DPP10: variants seen among roughly 807,000 people sequenced by gnomAD.
DPP10 encodes dipeptidyl peptidase like 10.
In DPP10, 33 loss-of-function variants were observed where a neutral mutation model predicts 120.9. The observed-to-expected ratio is 0.27, with a 90% confidence interval of 0.21 to 0.37. DPP10 has a LOEUF of 0.37. Ranked by LOEUF, DPP10 falls within the 10% of genes least tolerant of loss-of-function variation. The pLI is 1.00. For synonymous variants in DPP10, 337 were observed against 326.1 expected (o/e 1.03, Z -0.36); for missense variants, 816 against 942.8 (o/e 0.87, Z 1.76).
chr2:115,410,886 T>G (rs1205576057), intron 3 of DPP10, among the ~76,000 whole-genome samples: 1 of 152,216 alleles, frequency 6.6e-6, no homozygotes, highest in Non-Finnish European at 1.5e-5. Flanking sequence ...ATATCACTTG[T>G]ATTGATATTT....
intron 5 of DPP10, among the ~76,000 whole-genome samples, chr2:115,663,373 T>A (rs977377067): frequency 6.6e-6 from 1 of 152,218 alleles, no homozygotes; most frequent in African/African-American, 2.4e-5. Flanking sequence ...GCCTAATGCA[T>A]ATGCATTCCA....
At chr2:115,119,491 C>T (rs1448077081) in intron 1 of DPP10, among the ~76,000 whole-genome samples, 2 of 152,152 alleles carry the variant, frequency 1.3e-5, no homozygotes, top group East Asian at 3.9e-4. Flanking sequence ...CTCGAGTATG[C>T]CTACCTAGGT....
rs1682101044 is a variant in DPP10, at chr2:114,779,683, T to C, written c.60+336845T>C. 2.0e-5 allele frequency among the ~76,000 whole-genome samples: 3 copies of C among 152,152 alleles called. No homozygotes were observed. In the South Asian group the frequency reaches 6.2e-4, roughly 32 times the overall value. The stretch of plus-strand genomic sequence containing the variant: ...CTGTGATAACCCTCCTTTATAATAT[T>C]CTGGTGTTAAGGATGCCCAACCTTG... On this transcript the variant is annotated intron_variant, in intron 1 of 25. Coordinates refer to ENST00000410059, the MANE Select transcript of DPP10 (RefSeq NM_020868.6).
intron 1 of DPP10, among the ~76,000 whole-genome samples, chr2:114,937,748 T>G (rs1445997640): frequency 1.3e-5 from 2 of 152,140 alleles, no homozygotes; most frequent in African/African-American, 4.8e-5. Flanking sequence ...GTGCCCAATC[T>G]CTTCTGATCT....
Position 115,377,676 on chromosome 2 carries a change from A to G in DPP10, c.271+33764A>G, listed in dbSNP as rs547872430. Among the ~76,000 whole-genome samples the G allele has an allele frequency of 3.9e-3, 594 of 152,122 alleles. 2 individuals are homozygous for G. Among genetic ancestry groups the G allele is most frequent in the African/African-American group, 9.4e-3 (392 of 41,490 alleles). On this transcript the variant is annotated intron_variant, in intron 3 of 25. Transcript: ENST00000410059. Reference sequence around the variant, plus strand: ...GCCTAGGTTTTCTTCTAGGGTTTTTATGGTTTTAGGTTTATCGTTTAAGTC... The same window carrying G: ...GCCTAGGTTTTCTTCTAGGGTTTTTGTGGTTTTAGGTTTATCGTTTAAGTC...
At chr2:115,380,379 G>C (rs1472646768) in intron 3 of DPP10, among the ~76,000 whole-genome samples, 2 of 152,090 alleles carry the variant, frequency 1.3e-5, no homozygotes, top group African/African-American at 4.8e-5. Flanking sequence ...TGCAGCCCCT[G>C]CCTTTTTTTG....
At chr2:115,760,013 AAAAAAATAC>A (rs1679917344) in intron 11 of DPP10, among the ~76,000 whole-genome samples, 1 of 152,132 alleles carries the variant, frequency 6.6e-6, no homozygotes, top group African/African-American at 2.4e-5. Flanking sequence ...CCGTCACAAA[AAAAAAATAC>A]AAAAAACAAA....
At chr2:115,766,286 ATGTGTGTG>A (rs34673352) in intron 12 of DPP10, among the ~76,000 whole-genome samples, 1 of 70,232 alleles carries the variant, frequency 1.4e-5, no homozygotes, top group African/African-American at 4.2e-5. Context: ...CATTATATAT[ATGTGTGTG>A]TGTGTGTGTG....
At chr2:114,449,475 T>G (rs923533595) in intron 1 of DPP10, among the ~76,000 whole-genome samples, 3 of 152,090 alleles carry the variant, frequency 2.0e-5, no homozygotes, top group Non-Finnish European at 4.4e-5. Flanking sequence ...TTTTCTTTTT[T>G]TTTTTTTTTA....
chr2:115,836,466 T>A, intron 22 of DPP10, 41 bp from the exon 23 acceptor site: 1 of 1,590,646 alleles, frequency 6.3e-7, no homozygotes, highest in Non-Finnish European at 8.5e-7. Flanking sequence ...AGTCAAATAG[T>A]TTTTAGTTTC....
In DPP10 at chr2:115,251,232, C is replaced by G. The variant is rs973176; in HGVS notation, c.61-58007C>G. Among the ~76,000 whole-genome samples the G allele has an allele frequency of 1.2e-4, 19 of 152,186 alleles. 1 individual carries two copies. The East Asian group carries it at 3.7e-3, about 29-fold the overall frequency. Reference sequence around the variant, plus strand: ...TCTCTAAGAAAAGCTTCACAGCTTTCTTTCAGAAAAGCTTTGAGAGGTAGG... The same window carrying G: ...TCTCTAAGAAAAGCTTCACAGCTTTGTTTCAGAAAAGCTTTGAGAGGTAGG... On this transcript the variant is annotated intron_variant, in intron 1 of 25. Transcript: ENST00000410059.
intron 5 of DPP10, among the ~76,000 whole-genome samples, chr2:115,652,137 G>A (rs1206529094): frequency 6.6e-6 from 1 of 151,946 alleles, no homozygotes; most frequent in Non-Finnish European, 1.5e-5. Flanking sequence ...TGGAATAGTT[G>A]GATACATGAT....
chr2:114,492,678 T>C (rs529909149), intron 1 of DPP10, among the ~76,000 whole-genome samples: 89 of 152,336 alleles, frequency 5.8e-4, no homozygotes, highest in Non-Finnish European at 9.6e-4. Flanking sequence ...TAAAAGCAGT[T>C]TGCTTTCCAT....
intron 1 of DPP10, among the ~76,000 whole-genome samples, chr2:114,712,286 C>T (rs964649493): frequency 6.6e-6 from 1 of 152,190 alleles, no homozygotes; most frequent in African/African-American, 2.4e-5. Flanking sequence ...TGCCACTGCA[C>T]TCCAGCCTGG....
chr2:114,690,575 T>C (rs2105764658), intron 1 of DPP10, among the ~76,000 whole-genome samples: 1 of 152,242 alleles, frequency 6.6e-6, no homozygotes, highest in East Asian at 1.9e-4. Context: ...TGGGATCTTT[T>C]TGGTTCCATG....
At chr2:115,595,374 T>A (rs2082924152) in intron 5 of DPP10, among the ~76,000 whole-genome samples, 1 of 152,120 alleles carries the variant, frequency 6.6e-6, no homozygotes, top group African/African-American at 2.4e-5. Context: ...ATGCTAAAGC[T>A]TATTTCAATG....
At chr2:115,171,358 C>CA (rs752738778) in intron 1 of DPP10, among the ~76,000 whole-genome samples, 779 of 114,378 alleles carry the variant, frequency 6.8e-3, no homozygotes, top group Admixed American at 0.01. Flanking sequence ...GAGACTCCAT[C>CA]AAAAAAAAAA....
At chr2:115,196,259 T>C (rs1217549932) in intron 1 of DPP10, among the ~76,000 whole-genome samples, 1 of 152,200 alleles carries the variant, frequency 6.6e-6, no homozygotes, top group Non-Finnish European at 1.5e-5. Context: ...TATGTGATCA[T>C]TGGAGCATGT....
chr2:115,141,220 G>A (rs1339310900), intron 1 of DPP10, among the ~76,000 whole-genome samples: 6 of 152,164 alleles, frequency 3.9e-5, no homozygotes, highest in African/African-American at 1.2e-4. Context: ...TACTCAGTAC[G>A]CAGTTCTTAT....
Sources: allele counts gnomAD v4.1 joint callset (sites outside exome capture counted in the v4.1 genomes callset), GRCh38; gene constraint gnomAD v4.1.1; transcripts MANE v1.5; gene names NCBI Gene and HGNC (gene_info 2026-07-23, HGNC 2026-07-21).